The following NOL4 variants were observed in gnomAD, a reference collection of about 807,000 sequenced individuals.
NOL4 encodes nucleolar protein 4.
A neutral mutation model predicts 75.9 loss-of-function variants in NOL4; 17 were observed. That is an observed-to-expected ratio of 0.22 (90% confidence interval 0.15 to 0.34). NOL4 has a LOEUF of 0.34. Among genes scored for constraint, NOL4 ranks in the 10% least tolerant of loss-of-function variants. NOL4 has a pLI of 1.00. For synonymous variants in NOL4, 292 were observed against 289.9 expected (o/e 1.01, Z -0.07); for missense variants, 614 against 793.5 (o/e 0.77, Z 2.72).
At chr18:33,931,235 T>G (rs539320089) in intron 9 of NOL4, among the ~76,000 whole-genome samples, 1 of 152,304 alleles carries the variant, frequency 6.6e-6, no homozygotes, top group South Asian at 2.1e-4. Flanking sequence ...TTCTTAGTCC[T>G]CTTTTCAAAT....
intron 5 of NOL4, among the ~76,000 whole-genome samples, chr18:34,055,623 AC>A (rs1227278277): frequency 6.6e-6 from 1 of 152,078 alleles, no homozygotes; most frequent in African/African-American, 2.4e-5. Context: ...AGTTTCTTGA[AC>A]ATGTATATCC....
intron 10 of NOL4, among the ~76,000 whole-genome samples, chr18:33,867,547 G>A (rs2063492160): frequency 6.6e-6 from 1 of 151,894 alleles, no homozygotes; most frequent in African/African-American, 2.4e-5. Flanking sequence ...TTTCCTCAGG[G>A]CATTTTGGAG....
chr18:34,018,726 C>CTA (rs1258817425), intron 6 of NOL4, among the ~76,000 whole-genome samples: 2 of 152,024 alleles, frequency 1.3e-5, no homozygotes, highest in Admixed American at 1.3e-4. Flanking sequence ...TATAAAGAAT[C>CTA]TAAACATTTA....
intron 8 of NOL4, among the ~76,000 whole-genome samples, chr18:33,952,759 T>C (rs1431599723): frequency 6.6e-6 from 1 of 152,130 alleles, no homozygotes; most frequent in East Asian, 1.9e-4. Flanking sequence ...ACCCCATCTC[T>C]ACTAAAAATA....
intron 5 of NOL4, among the ~76,000 whole-genome samples, chr18:34,041,288 T>C (rs1387517014): frequency 6.6e-6 from 1 of 151,936 alleles, no homozygotes; most frequent in Non-Finnish European, 1.5e-5. Context: ...AGAGAAGAAC[T>C]TGGGAACAAT....
chr18:33,957,091 TG>T (rs199674023), intron 8 of NOL4, among the ~76,000 whole-genome samples: 2,128 of 152,184 alleles, frequency 0.014, 53 homozygotes, highest in African/African-American at 0.048. Flanking sequence ...TGGTACCACG[TG>T]GTTCTGTGAG....
chr18:34,172,845 C>T (rs1418248917), intron 1 of NOL4, among the ~76,000 whole-genome samples: 4 of 152,040 alleles, frequency 2.6e-5, no homozygotes, highest in Admixed American at 1.3e-4. Flanking sequence ...GGTTTTTGCA[C>T]ATTTTAAATT....
chr18:33,987,609 G>A (rs945214368), intron 6 of NOL4, among the ~76,000 whole-genome samples: 9 of 152,078 alleles, frequency 5.9e-5, no homozygotes, highest in African/African-American at 1.7e-4. Context: ...CAAAAGCAAC[G>A]ATAACTGCAG....
chr18:33,944,403 C>A (rs2068700884), intron 8 of NOL4, among the ~76,000 whole-genome samples: 1 of 151,842 alleles, frequency 6.6e-6, no homozygotes, highest in Admixed American at 6.6e-5. Context: ...AACAGACACT[C>A]CATAGTTAAA....
chr18:34,222,547 G>A (rs748971513), intron 1 of NOL4: 3 of 689,516 alleles, frequency 4.4e-6, no homozygotes, highest in Non-Finnish European at 3.6e-6. Context: ...AGGAGACACT[G>A]TAGACTATCG....
intron 10 of NOL4, among the ~76,000 whole-genome samples, chr18:33,860,563 A>G (rs551333395): frequency 1.3e-5 from 2 of 152,314 alleles, no homozygotes; most frequent in Non-Finnish European, 2.9e-5. Context: ...TAGATATAGA[A>G]TCATGTTGTC....
At chr18:33,950,415 T>A (rs941181696) in intron 8 of NOL4, among the ~76,000 whole-genome samples, 1 of 152,144 alleles carries the variant, frequency 6.6e-6, no homozygotes, top group African/African-American at 2.4e-5. Context: ...AATTATCTTA[T>A]CTCTCAACTA....
At chr18:34,108,110 C>T (rs2079399934) in intron 2 of NOL4, among the ~76,000 whole-genome samples, 1 of 152,128 alleles carries the variant, frequency 6.6e-6, no homozygotes, top group South Asian at 2.1e-4. Context: ...GTATTGAAGC[C>T]ATTGAAGTTA....
intron 9 of NOL4, among the ~76,000 whole-genome samples, chr18:33,934,483 C>T (rs1954864887): frequency 6.6e-6 from 1 of 152,146 alleles, no homozygotes; most frequent in South Asian, 2.1e-4. Flanking sequence ...GTAGTGATTT[C>T]ATCTACATTA....
intron 2 of NOL4, among the ~76,000 whole-genome samples, chr18:34,105,369 G>A (rs1387939902): frequency 6.6e-6 from 1 of 151,728 alleles, no homozygotes; most frequent in Middle Eastern, 3.2e-3. Context: ...AATGCCATGT[G>A]GAGACAAAAA....
intron 9 of NOL4, among the ~76,000 whole-genome samples, chr18:33,915,397 T>A (rs1460166122): frequency 6.6e-6 from 1 of 151,964 alleles, no homozygotes; most frequent in Admixed American, 6.6e-5. Flanking sequence ...GATAATATTT[T>A]ATTTTTTTTG....
chr18:34,049,647 T>G (rs1393001898), intron 5 of NOL4, among the ~76,000 whole-genome samples: 5 of 152,104 alleles, frequency 3.3e-5, no homozygotes, highest in Non-Finnish European at 2.9e-5. Context: ...CTTTACTCCT[T>G]AATTTCCCCG....
At chr18:34,060,868 G>A (rs1167693359) in intron 5 of NOL4, among the ~76,000 whole-genome samples, 1 of 152,130 alleles carries the variant, frequency 6.6e-6, no homozygotes, top group African/African-American at 2.4e-5. Context: ...AAATCTGGGT[G>A]AAAAAGATCA....
intron 1 of NOL4, 63 bp downstream of exon 1, chr18:34,222,927 C>T (rs2037427053): frequency 6.3e-7 from 1 of 1,575,126 alleles, no homozygotes; most frequent in South Asian, 1.1e-5. Context: ...CCGCCTCTCT[C>T]CTTCCTCCCT....
Sources: gnomAD v4.1 joint callset for allele counts (sites outside exome capture counted in the v4.1 genomes callset) on GRCh38, gnomAD v4.1.1 for gene constraint, MANE v1.5 for transcripts, NCBI Gene and HGNC (gene_info 2026-07-23, HGNC 2026-07-21) for gene names.